PTPRD: variants seen among roughly 807,000 people sequenced by gnomAD.
PTPRD encodes the protein protein tyrosine phosphatase receptor type D.
PTPRD carries 34 observed loss-of-function variants against 214.5 expected under a neutral mutation model. That is an observed-to-expected ratio of 0.16 (90% CI 0.12 to 0.21). PTPRD has a LOEUF of 0.21. Among genes scored for constraint, PTPRD ranks in the 10% least tolerant of loss-of-function variants. PTPRD has a pLI of 1.00. For synonymous variants in PTPRD, 1,128 were observed against 845.7 expected, an observed-to-expected ratio of 1.33 and a Z score of -5.79; for missense variants, 2,545 against 2,398.7, an observed-to-expected ratio of 1.06 and a Z score of -1.27.
intron 3 of PTPRD, among the ~76,000 whole-genome samples, chr9:10,139,867 A>G (rs72696914): frequency 0.051 from 7,803 of 152,206 alleles, 295 homozygotes; most frequent in Admixed American, 0.1. Context: ...ATCCCTATCT[A>G]TCACCATACA....
intron 2 of PTPRD, among the ~76,000 whole-genome samples, chr9:10,373,164 A>T (rs1200764036): frequency 6.7e-6 from 1 of 148,948 alleles, no homozygotes; most frequent in Non-Finnish European, 1.5e-5. Flanking sequence ...AAAAAAATTG[A>T]TGAAGTTTAC....
At chr9:9,211,267 A>C (rs1000829600) in intron 9 of PTPRD, among the ~76,000 whole-genome samples, 3 of 152,138 alleles carry the variant, frequency 2.0e-5, no homozygotes, top group Non-Finnish European at 2.9e-5. Context: ...TAGCCTAATT[A>C]TTTACTGGCT....
chr9:8,794,004 G>C (rs2096324375), intron 11 of PTPRD, among the ~76,000 whole-genome samples: 1 of 152,194 alleles, frequency 6.6e-6, no homozygotes, highest in Admixed American at 6.5e-5. Flanking sequence ...TATTGATATA[G>C]AGTACTAGGA....
chr9:10,082,137 A>G (rs1257761789), intron 3 of PTPRD, among the ~76,000 whole-genome samples: 1 of 152,112 alleles, frequency 6.6e-6, no homozygotes, highest in Non-Finnish European at 1.5e-5. Context: ...CCAAAATTCA[A>G]TGATAGCACA....
chr9:9,448,630 C>A (rs1372372538), intron 8 of PTPRD, among the ~76,000 whole-genome samples: 1 of 152,000 alleles, frequency 6.6e-6, no homozygotes, highest in Non-Finnish European at 1.5e-5. Flanking sequence ...GATAAGCATT[C>A]ACTGGATGCC....
intron 11 of PTPRD, among the ~76,000 whole-genome samples, chr9:8,801,150 G>T (rs1231909596): frequency 6.6e-6 from 1 of 152,152 alleles, no homozygotes; most frequent in African/African-American, 2.4e-5. Flanking sequence ...GATGATGGTA[G>T]TTCAGGAACT....
chr9:9,240,925 G>A (rs2099970068), intron 9 of PTPRD, among the ~76,000 whole-genome samples: 1 of 152,024 alleles, frequency 6.6e-6, no homozygotes, highest in Non-Finnish European at 1.5e-5. Context: ...CTGTCAATCA[G>A]CTGAGGTCCA....
At chr9:9,488,970 G>C (rs1253804959) in intron 8 of PTPRD, among the ~76,000 whole-genome samples, 1 of 152,102 alleles carries the variant, frequency 6.6e-6, no homozygotes, top group Non-Finnish European at 1.5e-5. Flanking sequence ...AGTACAAAGA[G>C]GCAGGAGGCC....
At chr9:10,394,075 T>G (rs2382207) in intron 2 of PTPRD, among the ~76,000 whole-genome samples, 131,378 of 143,454 alleles carry the variant, frequency 0.92, 60,208 homozygotes, top group African/African-American at 0.96. Flanking sequence ...TATATATATA[T>G]AGAGAGAGAA....
chr9:9,296,177 T>C (rs1952956592), intron 9 of PTPRD, among the ~76,000 whole-genome samples: 1 of 151,716 alleles, frequency 6.6e-6, no homozygotes, highest in African/African-American at 2.4e-5. Context: ...GGCTATAAAA[T>C]CTCTAGACTG....
intron 3 of PTPRD, among the ~76,000 whole-genome samples, chr9:10,302,066 G>A (rs753434759): frequency 5.3e-5 from 8 of 152,150 alleles, no homozygotes; most frequent in East Asian, 3.9e-4. Flanking sequence ...AACTAACAGC[G>A]GATCTCTTGG....
chr9:9,301,868 T>A (rs1569567186), intron 9 of PTPRD, among the ~76,000 whole-genome samples: 1 of 151,924 alleles, frequency 6.6e-6, no homozygotes, highest in African/African-American at 2.4e-5. Context: ...AACAGGTCGA[T>A]TTCACAAATG....
chr9:8,835,170 G>C (rs886212157), intron 11 of PTPRD, among the ~76,000 whole-genome samples: 7 of 152,198 alleles, frequency 4.6e-5, no homozygotes, highest in Non-Finnish European at 7.3e-5. Flanking sequence ...AATGACCCCA[G>C]CTCCTGGCAT....
intron 14 of PTPRD, among the ~76,000 whole-genome samples, chr9:8,564,772 A>G (rs752890740): frequency 6.6e-6 from 1 of 152,118 alleles, no homozygotes; most frequent in African/African-American, 2.4e-5. Context: ...AATCTCCGGA[A>G]ATTTTTATTT....
chr9:10,580,966 T>G (rs754456954), intron 2 of PTPRD, among the ~76,000 whole-genome samples: 1 of 152,176 alleles, frequency 6.6e-6, no homozygotes, highest in Non-Finnish European at 1.5e-5. Context: ...AGCACTGTTC[T>G]CACAGTAAAA....
intron 9 of PTPRD, among the ~76,000 whole-genome samples, chr9:9,316,821 G>T (rs929322910): frequency 5.3e-5 from 8 of 152,098 alleles, no homozygotes; most frequent in African/African-American, 1.9e-4. Flanking sequence ...CTGGGACTAC[G>T]TGGTAATTCT....
intron 2 of PTPRD, among the ~76,000 whole-genome samples, chr9:10,541,606 T>C (rs1241162886): frequency 3.9e-5 from 6 of 151,928 alleles, no homozygotes; most frequent in Non-Finnish European, 5.9e-5. Context: ...CATTATTACA[T>C]ATTAAATAAA....
intron 14 of PTPRD, among the ~76,000 whole-genome samples, chr9:8,613,792 C>T (rs1480818825): frequency 1.3e-5 from 2 of 152,184 alleles, no homozygotes; most frequent in African/African-American, 4.8e-5. Context: ...AGTTTCATAA[C>T]TGGTTTAGTT....
intron 7 of PTPRD, among the ~76,000 whole-genome samples, chr9:9,600,312 T>A (rs769610675): frequency 6.6e-6 from 1 of 152,106 alleles, no homozygotes; most frequent in African/African-American, 2.4e-5. Flanking sequence ...CACACCAGTA[T>A]GTTTCTTTTT....
Sources: allele counts gnomAD v4.1 joint callset (sites outside exome capture counted in the v4.1 genomes callset), GRCh38; gene constraint gnomAD v4.1.1; transcripts MANE v1.5; gene names NCBI Gene and HGNC (gene_info 2026-07-23, HGNC 2026-07-21).